UGT8: variants seen among roughly 807,000 people sequenced by gnomAD.
The protein encoded by UGT8 is 2-hydroxyacylsphingosine 1-beta-galactosyltransferase.
UGT8 carries 12 observed loss-of-function variants against 40.5 expected under a neutral mutation model. The ratio of observed to expected loss-of-function variants is 0.30; its 90% CI spans 0.19 to 0.48. The LOEUF (loss-of-function observed/expected upper bound fraction) is 0.48, where lower values mean the gene tolerates loss of function less well. UGT8 is among the 20% of genes least tolerant of loss of function. UGT8 has a pLI of 0.99. For missense variants in UGT8, 513 were observed against 648.7 expected (o/e 0.79, Z 2.27); for synonymous variants, 224 against 240.4 (o/e 0.93, Z 0.63).
chr4:114,663,427 A>G (rs914402100), intron 2 of UGT8, among the ~76,000 whole-genome samples: 4 of 151,988 alleles, frequency 2.6e-5, no homozygotes, highest in African/African-American at 4.8e-5. Flanking sequence ...TTATTTTCCT[A>G]TGGGAAACTG....
At chr4:114,612,969 C>T (rs1055929947) in intron 1 of UGT8, among the ~76,000 whole-genome samples, 2 of 152,108 alleles carry the variant, frequency 1.3e-5, no homozygotes, top group East Asian at 1.9e-4. Context: ...ATATCAATCT[C>T]ATTAAACCTA....
At chr4:114,621,665 A>G (rs1020318424) in intron 1 of UGT8, among the ~76,000 whole-genome samples, 5 of 152,204 alleles carry the variant, frequency 3.3e-5, no homozygotes, top group Non-Finnish European at 5.9e-5. Flanking sequence ...TAGAAGATGA[A>G]CAGATGTTCC....
Position 114,664,158 on chromosome 4 carries a change from G to A in UGT8, c.965+21G>A, listed in dbSNP as rs200117185. On this transcript the variant is annotated intron_variant, in intron 3 of 5. Coordinates refer to ENST00000310836, the MANE Select transcript of UGT8 (RefSeq NM_001128174.3). ...TGGAGGTAAGGTAATAATGTAGATT[G>A]TTTCTTTGCTATTGACAATCAATAT... The A allele has an allele frequency of 1.9e-6, 3 of 1,610,970 alleles. No individual in the cohort carries two copies. The East Asian group carries it at 6.7e-5, about 36-fold the overall frequency.
At chr4:114,672,492 A>C (rs1167564539) in intron 5 of UGT8, among the ~76,000 whole-genome samples, 1 of 152,254 alleles carries the variant, frequency 6.6e-6, no homozygotes. Context: ...AGCATTAAAA[A>C]GGAAAGAGGT....
intron 4 of UGT8, among the ~76,000 whole-genome samples, chr4:114,666,799 A>G (rs1200930225): frequency 6.6e-6 from 1 of 151,922 alleles, no homozygotes. Context: ...CCTCAAGTCC[A>G]TAGCTGCTCT....
chr4:114,637,979 T>C (rs1732990854), intron 2 of UGT8, among the ~76,000 whole-genome samples: 1 of 152,238 alleles, frequency 6.6e-6, no homozygotes, highest in Admixed American at 6.5e-5. Context: ...ATACTTGTTT[T>C]CTACCAGATT....
intron 1 of UGT8, among the ~76,000 whole-genome samples, chr4:114,605,438 G>A (rs1288903701): frequency 6.6e-6 from 1 of 152,070 alleles, no homozygotes; most frequent in African/African-American, 2.4e-5. Flanking sequence ...AAGGAATCCA[G>A]TTCATTAAAG....
At chr4:114,599,615 C>T (rs548168893) in intron 1 of UGT8, among the ~76,000 whole-genome samples, 309 of 152,300 alleles carry the variant, frequency 2.0e-3, no homozygotes, top group African/African-American at 6.8e-3. Flanking sequence ...CAGGGTTTCA[C>T]GGGTCCCCGC....
At chr4:114,636,971 T>G (rs921905009) in intron 2 of UGT8, among the ~76,000 whole-genome samples, 18 of 152,236 alleles carry the variant, frequency 1.2e-4, no homozygotes, top group African/African-American at 4.3e-4. Flanking sequence ...TAATGGCTGA[T>G]AGCAATTTAA....
At position 114,646,004 on chromosome 4, in the gene UGT8, G is replaced by A. The variant is rs145564892; in HGVS notation, c.823-17991G>A. ...ATTAAATAGATAACTGCACAGAGAC[G>A]GAATATCTTTTTCCATATTATGTAG... On this transcript the variant is annotated intron_variant, in intron 2 of 5. Transcript: ENST00000310836. 4.0e-4 allele frequency among the ~76,000 whole-genome samples: 61 copies of A among 152,152 alleles called. No individual in the cohort carries two copies. The East Asian group carries it at 9.3e-3, about 23-fold the overall frequency.
At chr4:114,662,912 G>A (rs1054381243) in intron 2 of UGT8, among the ~76,000 whole-genome samples, 6 of 134,386 alleles carry the variant, frequency 4.5e-5, no homozygotes, top group South Asian at 2.4e-4. Context: ...TGCAAGCTCC[G>A]CCTCCCAGGT....
intron 1 of UGT8, among the ~76,000 whole-genome samples, chr4:114,602,193 T>A (rs1730482996): frequency 1.3e-5 from 2 of 152,182 alleles, no homozygotes; most frequent in Non-Finnish European, 2.9e-5. Context: ...GAAGCAGCCT[T>A]TAAAAAAAAG....
intron 2 of UGT8, among the ~76,000 whole-genome samples, chr4:114,628,400 AAAGT>A (rs1319268860): frequency 6.6e-6 from 1 of 152,176 alleles, no homozygotes; most frequent in Non-Finnish European, 1.5e-5. Flanking sequence ...TTGGCTTCTC[AAAGT>A]GCTGGGATTA....
Position 114,664,058 on chromosome 4 carries a change from G to A in UGT8, c.886G>A (p.Gly296Ser). 1 of 1,614,028 alleles carries A rather than the reference G, an allele frequency of 6.2e-7. No homozygotes were observed. Among genetic ancestry groups the A allele is most frequent in the Non-Finnish European group, 8.5e-7 (1 of 1,179,970 alleles). Residue 296 changes from glycine to serine, a missense_variant, in exon 3 of 6, where the codon GGT becomes AGT. Around this residue, in one of 3 missense-constraint regions of UGT8, gnomAD observed 335 missense variants for 444.8 expected, o/e 0.75. Coordinates refer to ENST00000310836, the MANE Select transcript of UGT8 (RefSeq NM_001128174.3). The part of the protein sequence containing the change: ...HGFVLVSFGA[G>S]VKYLSEDIAN... ...CTTTGTCTTGGTGTCTTTTGGAGCT[G>A]GTGTCAAGTATCTGTCAGAAGACAT...
intron 1 of UGT8, among the ~76,000 whole-genome samples, chr4:114,603,935 T>A (rs184631360): frequency 3.3e-5 from 5 of 152,320 alleles, no homozygotes; most frequent in Admixed American, 2.6e-4. Context: ...TGAAAATATA[T>A]TTTTAAGATG....
intron 2 of UGT8, among the ~76,000 whole-genome samples, chr4:114,636,530 A>G (rs1253764717): frequency 6.6e-6 from 1 of 152,226 alleles, no homozygotes; most frequent in Non-Finnish European, 1.5e-5. Flanking sequence ...GAATGTGGCA[A>G]TATTTAACAA....
At chr4:114,608,683 T>TTTTTTAAATTTAAA (rs1331169271) in intron 1 of UGT8, among the ~76,000 whole-genome samples, 1 of 152,192 alleles carries the variant, frequency 6.6e-6, no homozygotes, top group Non-Finnish European at 1.5e-5. Flanking sequence ...GTGGGTTTTC[T>TTTTTTAAATTTAAA]TTTTTAAATT....
At chr4:114,647,626 A>C (rs560259191) in intron 2 of UGT8, among the ~76,000 whole-genome samples, 6 of 152,180 alleles carry the variant, frequency 3.9e-5, no homozygotes, top group Non-Finnish European at 7.4e-5. Flanking sequence ...TCAGTCTCCC[A>C]AAGTGTTGGG....
chr4:114,622,753 T>C, intron 1 of UGT8, 126 bp from the exon 2 acceptor site: 1 of 764,874 alleles, frequency 1.3e-6, no homozygotes, highest in Non-Finnish European at 1.9e-6. Flanking sequence ...GAAGTGTCTG[T>C]TCATGATTTT....
Sources: gnomAD v4.1 joint callset for allele counts (sites outside exome capture counted in the v4.1 genomes callset) on GRCh38, gnomAD v4.1.1 for gene constraint, gnomAD v4.1.1 regional missense constraint, MANE v1.5 for transcripts, NCBI Gene and HGNC (gene_info 2026-07-23, HGNC 2026-07-21) for gene names.